Variants in VAPB observed in about 807,000 individuals in gnomAD.
VAPB encodes vesicle-associated membrane protein-associated protein B/C.
A neutral mutation model predicts 25.6 loss-of-function variants in VAPB; 7 were observed. The observed-to-expected ratio is 0.27, with a 90% CI of 0.16 to 0.51. VAPB has a LOEUF of 0.51. VAPB is among the 20% of genes least tolerant of loss of function. VAPB has a pLI of 0.97. For missense variants in VAPB, 266 were observed against 301.3 expected (o/e 0.88, Z 0.87); for synonymous variants, 112 against 109.2 (o/e 1.03, Z -0.16).
At chr20:58,438,101 A>G (rs1292010138) in intron 3 of VAPB, among the ~76,000 whole-genome samples, 3 of 152,096 alleles carry the variant, frequency 2.0e-5, no homozygotes, top group Non-Finnish European at 4.4e-5. Context: ...GCCTGGAGGG[A>G]TGGAGATGGG....
rs1989330659 is a variant in VAPB, at chr20:58,447,736, A to G, written c.*3501A>G. The G allele has an allele frequency of 2.2e-6, 1 of 453,656 alleles. No homozygotes were observed. Among genetic ancestry groups the G allele is most frequent in the South Asian group, 1.6e-5 (1 of 64,476 alleles). 28.1% of individuals were successfully genotyped at this position (453,656 alleles called of 1,614,324 possible). A position where few individuals can be genotyped will look rare whatever the true frequency, so the allele number is the denominator to read the frequency against. ...TTGACAGTTTTCAAATCGTGCCTAT[A>G]TTTTTTTGCATACACAAATTTTTGT... On this transcript the variant is annotated 3_prime_UTR_variant, in exon 6 of 6. Transcript: ENST00000475243.
chr20:58,418,141 G>T, intron 1 of VAPB, 70 bp from the exon 2 acceptor site: 1 of 1,596,536 alleles, frequency 6.3e-7, no homozygotes, highest in Non-Finnish European at 8.6e-7. Context: ...TATATTTACA[G>T]CTCTCTTTTC....
Position 58,397,207 on chromosome 20 carries a change from T to G in VAPB, c.58+7690T>G, listed in dbSNP as rs976520946. The stretch of plus-strand genomic sequence containing the variant: ...TCACTTTTATATCAGATTCTGATGG[T>G]TTCTTGATTCTATATATTTAGAAAG... On this transcript the variant is annotated intron_variant, in intron 1 of 5. Transcript: ENST00000475243. Among the ~76,000 whole-genome samples, 4 of 152,126 alleles carry G rather than the reference T, an allele frequency of 2.6e-5. No individual in the cohort carries two copies. The East Asian group carries it at 7.7e-4, about 29-fold the overall frequency.
intron 1 of VAPB, among the ~76,000 whole-genome samples, chr20:58,400,361 A>G (rs1988067414): frequency 6.6e-6 from 1 of 152,210 alleles, no homozygotes. Context: ...TGTATTTCCC[A>G]CAGCACCTAC....
At chr20:58,410,660 G>GC (rs71181966) in intron 1 of VAPB, among the ~76,000 whole-genome samples, 20,667 of 151,610 alleles carry the variant, frequency 0.14, 1,473 homozygotes, top group African/African-American at 0.18. Context: ...CAAGTGATCC[G>GC]CCCCCCCGCC....
At chr20:58,412,305 C>T (rs978330427) in intron 1 of VAPB, among the ~76,000 whole-genome samples, 4 of 151,944 alleles carry the variant, frequency 2.6e-5, no homozygotes, top group Non-Finnish European at 5.9e-5. Flanking sequence ...TATGGCTGGG[C>T]GTGGAGGCTC....
intron 5 of VAPB, among the ~76,000 whole-genome samples, chr20:58,443,810 G>A (rs1989214410): frequency 6.6e-6 from 1 of 152,108 alleles, no homozygotes; most frequent in African/African-American, 2.4e-5. Flanking sequence ...TAAATCACGG[G>A]AAACCAAGGA....
At position 58,448,689 on chromosome 20, in the gene VAPB, T is replaced by C. The variant is rs771914267; in HGVS notation, c.*4454T>C. 1.1e-5 allele frequency: 5 copies of C among 453,746 alleles called. No individual in the cohort carries two copies. The highest frequency in any genetic ancestry group is 7.8e-5 in the South Asian group (5 of 64,474). The allele number at this position is 453,746 out of a possible 1,614,324, so 28.1% of individuals were successfully genotyped here. On this transcript the variant is annotated 3_prime_UTR_variant, in exon 6 of 6. Coordinates refer to ENST00000475243, the MANE Select transcript of VAPB (RefSeq NM_004738.5). ...CTTTTGTGTCTGCCTCCGTACCTTA[T>C]TCAGTTATTTTCACACTAAAGTAAG...
chr20:58,429,876 C>T (rs1373194178), intron 2 of VAPB, among the ~76,000 whole-genome samples: 7 of 152,010 alleles, frequency 4.6e-5, no homozygotes, highest in Non-Finnish European at 8.8e-5. Context: ...CATAACAGTG[C>T]TCAAACTTTT....
chr20:58,418,197 GTC>G lies in VAPB; in HGVS notation c.59-11_59-10del, dbSNP rs756529821. On this transcript the variant is annotated splice_polypyrimidine_tract_variant and intron_variant, in intron 1 of 5. Coordinates refer to ENST00000475243, the MANE Select transcript of VAPB (RefSeq NM_004738.5). ...CTCATGAGACCCCCAATCAGTCTCT[GTC>G]TCATTCTACAGGTCCCTTCACCGAT... 3.4e-5 allele frequency: 55 copies of G among 1,613,926 alleles called. No individual in the cohort carries two copies. The highest frequency in any genetic ancestry group is 4.4e-5 in the Non-Finnish European group (52 of 1,180,018).
intron 1 of VAPB, among the ~76,000 whole-genome samples, chr20:58,396,143 A>G (rs548272403): frequency 1.3e-5 from 2 of 152,306 alleles, no homozygotes; most frequent in South Asian, 2.1e-4. Flanking sequence ...TTTATTGCAT[A>G]GAACTGTAAA....
chr20:58,449,511 AGT>A lies in VAPB; in HGVS notation c.*5279_*5280del, dbSNP rs1464249342. ...GTTAAATCCGTAGAAAAGGAAGAAAAGTGTAGCAACAAAAATGTAGCCATTAT... is the reference window on the plus strand; with the variant it reads ...GTTAAATCCGTAGAAAAGGAAGAAAAGTAGCAACAAAAATGTAGCCATTAT... On this transcript the variant is annotated 3_prime_UTR_variant, in exon 6 of 6. Coordinates refer to ENST00000475243, the MANE Select transcript of VAPB (RefSeq NM_004738.5). 1 of 453,902 alleles carries A rather than the reference AGT, an allele frequency of 2.2e-6. No homozygotes were observed. Among genetic ancestry groups the A allele is most frequent in the South Asian group, 1.6e-5 (1 of 64,386 alleles). The allele number at this position is 453,902 out of a possible 1,614,324, so 28.1% of individuals were successfully genotyped here.
chr20:58,429,079 G>A (rs1311613802), intron 2 of VAPB, among the ~76,000 whole-genome samples: 2 of 151,986 alleles, frequency 1.3e-5, no homozygotes, highest in African/African-American at 4.8e-5. Flanking sequence ...AATGCGAAGA[G>A]ATTTCAAAGA....
At chr20:58,410,890 C>G (rs1407667700) in intron 1 of VAPB, among the ~76,000 whole-genome samples, 1 of 152,174 alleles carries the variant, frequency 6.6e-6, no homozygotes, top group East Asian at 1.9e-4. Context: ...CTTTTTAGCA[C>G]TGAGCACTAT....
intron 1 of VAPB, among the ~76,000 whole-genome samples, chr20:58,417,638 T>C (rs1160227917): frequency 6.6e-6 from 1 of 152,194 alleles, no homozygotes; most frequent in African/African-American, 2.4e-5. Context: ...AAGGTGATAC[T>C]AAGTTTTCTG....
chr20:58,405,305 G>A (rs962275129), intron 1 of VAPB, among the ~76,000 whole-genome samples: 1 of 152,166 alleles, frequency 6.6e-6, no homozygotes, highest in Non-Finnish European at 1.5e-5. Context: ...TCAAGGAGCA[G>A]CAAGGTATGC....
chr20:58,412,235 G>T (rs1421849216), intron 1 of VAPB, among the ~76,000 whole-genome samples: 1 of 151,960 alleles, frequency 6.6e-6, no homozygotes, highest in Non-Finnish European at 1.5e-5. Flanking sequence ...TTATAGTTTG[G>T]GGTCTAAATA....
At position 58,444,251 on chromosome 20, in the gene VAPB, G is replaced by GATGGTAA; in HGVS notation, c.*19_*25dup. The GATGGTAA allele has an allele frequency of 6.2e-7, 1 of 1,614,152 alleles. No individual in the cohort carries two copies. The highest frequency in any genetic ancestry group is 8.5e-7 in the Non-Finnish European group (1 of 1,180,022). ...TGCCTTGTAGAGGTAGCATGCACAGGATGGTAAATTGGATTGGTGGATCCA... is the reference window on the plus strand; with the variant it reads ...TGCCTTGTAGAGGTAGCATGCACAGGATGGTAAATGGTAAATTGGATTGGTGGATCCA... On this transcript the variant is annotated 3_prime_UTR_variant, in exon 6 of 6. Transcript: ENST00000475243.
intron 5 of VAPB, among the ~76,000 whole-genome samples, chr20:58,442,048 G>A (rs891561567): frequency 2.0e-5 from 3 of 152,184 alleles, no homozygotes; most frequent in Non-Finnish European, 2.9e-5. Context: ...GGCTTGTGGT[G>A]GTGTGGAAGT....
Sources: gnomAD v4.1 joint callset for allele counts (sites outside exome capture counted in the v4.1 genomes callset) on GRCh38, gnomAD v4.1.1 for gene constraint, MANE v1.5 for transcripts, NCBI Gene and HGNC (gene_info 2026-07-23, HGNC 2026-07-21) for gene names.